The following NPAS3 variants were observed in gnomAD, a reference collection of about 807,000 sequenced individuals.
The protein encoded by NPAS3 is neuronal PAS domain-containing protein 3.
In NPAS3, 14 loss-of-function variants were observed where a neutral mutation model predicts 73.1. The ratio of observed to expected loss-of-function variants is 0.19; its 90% CI spans 0.13 to 0.30. NPAS3 has a LOEUF of 0.30. NPAS3 is among the 10% of genes least tolerant of loss of function. The pLI is 1.00. For synonymous variants in NPAS3, 620 were observed against 541.5 expected, an observed-to-expected ratio of 1.14 and a Z score of -2.01; for missense variants, 1,096 against 1,250.0, an observed-to-expected ratio of 0.88 and a Z score of 1.86.
intron 7 of NPAS3, among the ~76,000 whole-genome samples, chr14:33,747,391 A>C (rs1244967681): frequency 1.3e-5 from 2 of 152,250 alleles, no homozygotes; most frequent in Non-Finnish European, 2.9e-5. Context: ...AAAAGAAGAG[A>C]GCCAGGAATC....
intron 4 of NPAS3, among the ~76,000 whole-genome samples, chr14:33,445,975 G>A (rs75222276): frequency 0.045 from 6,745 of 149,808 alleles, 204 homozygotes; most frequent in Non-Finnish European, 0.066. Context: ...AACTGCTATG[G>A]TCAGTGCCAT....
chr14:32,939,537 G>GGCTGCGGCA, intron 1 of NPAS3, among the ~76,000 whole-genome samples, 171 bp downstream of exon 1: 1 of 147,562 alleles, frequency 6.8e-6, no homozygotes, highest in African/African-American at 2.5e-5. Context: ...TCCCCGCGGC[G>GGCTGCGGCA]GCTGCGGCAG....
At chr14:33,035,257 G>A (rs1041840427) in intron 1 of NPAS3, among the ~76,000 whole-genome samples, 1 of 152,168 alleles carries the variant, frequency 6.6e-6, no homozygotes, top group Non-Finnish European at 1.5e-5. Context: ...TAAATTGACA[G>A]TGATCTCTTT....
intron 11 of NPAS3, among the ~76,000 whole-genome samples, chr14:33,799,413 G>A (rs1190580094): frequency 2.0e-5 from 3 of 152,182 alleles, no homozygotes; most frequent in African/African-American, 7.2e-5. Context: ...ATCACCTGGG[G>A]GTCATATTCC....
At chr14:33,429,830 T>C (rs2048708305) in intron 4 of NPAS3, among the ~76,000 whole-genome samples, 1 of 152,198 alleles carries the variant, frequency 6.6e-6, no homozygotes, top group African/African-American at 2.4e-5. Context: ...TCAAAGAATT[T>C]GTTCTAAATT....
At chr14:33,736,140 G>T (rs1428075581) in intron 7 of NPAS3, among the ~76,000 whole-genome samples, 1 of 152,170 alleles carries the variant, frequency 6.6e-6, no homozygotes, top group African/African-American at 2.4e-5. Context: ...CATCAATGTG[G>T]CCAGCCGTTG....
chr14:33,332,010 AGTGCTTGCT>A lies in NPAS3; in HGVS notation c.386-35174_386-35166del, dbSNP rs1196095088. ...CACCTACTTGTCTAATTTCCTTTGC[AGTGCTTGCT>A]GCTGAAAATTTTTTAGCCTACGTTT... is the stretch of plus-strand genomic sequence containing the variant. On this transcript the variant is annotated intron_variant, in intron 3 of 11. Transcript: ENST00000356141. 2.6e-5 allele frequency among the ~76,000 whole-genome samples: 4 copies of A among 152,212 alleles called. No individual in the cohort carries two copies. The East Asian group carries it at 5.8e-4, about 22-fold the overall frequency.
intron 3 of NPAS3, among the ~76,000 whole-genome samples, chr14:33,342,614 T>G (rs1385006166): frequency 1.3e-5 from 2 of 152,246 alleles, no homozygotes; most frequent in Non-Finnish European, 2.9e-5. Context: ...CTGTGTGTTT[T>G]TCATAAAGTG....
chr14:32,938,470 A>AGAGAGAAAGT (rs1434409380), upstream of NPAS3, among the ~76,000 whole-genome samples: 4 of 129,302 alleles, frequency 3.1e-5, no homozygotes, highest in Non-Finnish European at 5.0e-5. Flanking sequence ...AGAGAGAGAG[A>AGAGAGAAAGT]GAGAGAGAGA....
intron 4 of NPAS3, among the ~76,000 whole-genome samples, chr14:33,502,474 A>C (rs1344283083): frequency 6.6e-6 from 1 of 151,562 alleles, no homozygotes; most frequent in East Asian, 2.0e-4. Flanking sequence ...CTCTCTGTTC[A>C]CTTGTGAAGT....
At chr14:33,639,708 A>G (rs2058622229) in intron 5 of NPAS3, among the ~76,000 whole-genome samples, 1 of 152,210 alleles carries the variant, frequency 6.6e-6, no homozygotes, top group African/African-American at 2.4e-5. Context: ...AAAGCTTTTC[A>G]TGTTCATATT....
chr14:33,293,472 T>C (rs2042178086), intron 3 of NPAS3, among the ~76,000 whole-genome samples: 1 of 152,158 alleles, frequency 6.6e-6, no homozygotes, highest in Non-Finnish European at 1.5e-5. Context: ...GAATATGTTG[T>C]GAGTGATTTA....
At position 32,992,926 on chromosome 14, in the gene NPAS3, A is replaced by T. The variant is rs142377426; in HGVS notation, c.50+53560A>T. On this transcript the variant is annotated intron_variant, in intron 1 of 11. Transcript: ENST00000356141. The stretch of plus-strand genomic sequence containing the variant: ...TCCCAGCACTTTGGGAGGCCAAGGC[A>T]GGTGAATCACCTGAGGTCAGAAGTT... 3.2e-4 allele frequency among the ~76,000 whole-genome samples: 48 copies of T among 152,222 alleles called. No homozygotes were observed. In the East Asian group the frequency reaches 8.3e-3, roughly 26 times the overall value.
intron 5 of NPAS3, among the ~76,000 whole-genome samples, chr14:33,654,112 T>G (rs1269419220): frequency 6.6e-6 from 1 of 152,204 alleles, no homozygotes; most frequent in Non-Finnish European, 1.5e-5. Flanking sequence ...TGTTTAGTTA[T>G]GCATTTCCTT....
upstream of NPAS3, among the ~76,000 whole-genome samples, chr14:32,938,495 G>GAGAGAGAGAGAGAGAC (rs1412422892): frequency 1.9e-5 from 2 of 106,270 alleles, no homozygotes; most frequent in African/African-American, 4.1e-5. Flanking sequence ...TTGAGAGAGA[G>GAGAGAGAGAGAGAGAC]AGAGAGAGAG....
chr14:33,453,160 T>C (rs1488945270), intron 4 of NPAS3, among the ~76,000 whole-genome samples: 1 of 152,154 alleles, frequency 6.6e-6, no homozygotes. Flanking sequence ...CCCCCGCTGC[T>C]CAGTGAGGTG....
intron 4 of NPAS3, among the ~76,000 whole-genome samples, chr14:33,434,673 C>T (rs2048912312): frequency 6.6e-6 from 1 of 152,144 alleles, no homozygotes; most frequent in Non-Finnish European, 1.5e-5. Flanking sequence ...TTCTTTTGAA[C>T]ACTGTTTTTA....
At chr14:32,960,525 T>A (rs1427730609) in intron 1 of NPAS3, among the ~76,000 whole-genome samples, 1 of 152,214 alleles carries the variant, frequency 6.6e-6, no homozygotes, top group Non-Finnish European at 1.5e-5. Flanking sequence ...TTGTAGACCA[T>A]TTTTTAAAGG....
At chr14:33,770,752 T>C (rs2062623563) in intron 7 of NPAS3, among the ~76,000 whole-genome samples, 1 of 151,960 alleles carries the variant, frequency 6.6e-6, no homozygotes. Context: ...ATACAAAAAT[T>C]AGCTGTGCAT....
Sources: allele counts gnomAD v4.1 joint callset (sites outside exome capture counted in the v4.1 genomes callset), GRCh38; gene constraint gnomAD v4.1.1; transcripts MANE v1.5; gene names NCBI Gene and HGNC (gene_info 2026-07-23, HGNC 2026-07-21).